The following FZD3 variants were observed in gnomAD, a reference collection of about 807,000 sequenced individuals.
The protein encoded by FZD3 is frizzled-3.
In FZD3, 30 loss-of-function variants were observed where a neutral mutation model predicts 60.7. The ratio of observed to expected loss-of-function variants is 0.49; its 90% confidence interval spans 0.37 to 0.67. FZD3 has a LOEUF of 0.67. Among genes scored for constraint, FZD3 ranks in the 30% least tolerant of loss-of-function variants. The pLI is 0.00. For synonymous variants in FZD3, 246 were observed against 275.2 expected (o/e 0.89, Z 1.05); for missense variants, 605 against 838.7 (o/e 0.72, Z 3.44).
At chr8:28,513,603 T>A (rs908371223) in intron 3 of FZD3, among the ~76,000 whole-genome samples, 2 of 152,220 alleles carry the variant, frequency 1.3e-5, no homozygotes, top group African/African-American at 4.8e-5. Context: ...ATTAGGCATT[T>A]TATTGTTACA....
chr8:28,529,817 G>A (rs1469617166), intron 5 of FZD3, among the ~76,000 whole-genome samples: 1 of 152,064 alleles, frequency 6.6e-6, no homozygotes, highest in East Asian at 1.9e-4. Context: ...CTTATTATGA[G>A]TTTTCAGACC....
intron 5 of FZD3, among the ~76,000 whole-genome samples, chr8:28,535,403 A>G (rs1032812333): frequency 6.6e-6 from 1 of 152,212 alleles, no homozygotes; most frequent in African/African-American, 2.4e-5. Flanking sequence ...ATACATTATT[A>G]TTAACTAAAG....
intron 5 of FZD3, among the ~76,000 whole-genome samples, chr8:28,548,294 T>C (rs1219484069): frequency 6.6e-6 from 1 of 151,688 alleles, no homozygotes; most frequent in African/African-American, 2.4e-5. Context: ...TTTGAATTTT[T>C]GTTTTTTTGT....
chr8:28,572,393 A>G lies in FZD3; in HGVS notation c.*9382A>G, dbSNP rs1805823947. On this transcript the variant is annotated 3_prime_UTR_variant, in exon 8 of 8. Coordinates refer to ENST00000240093, the MANE Select transcript of FZD3 (RefSeq NM_017412.4). Reference sequence around the variant, plus strand: ...GCTTTATGAAGGAGACTCTACAGATAACCACAAATCTTATCAAGAAAATTC... The same window carrying G: ...GCTTTATGAAGGAGACTCTACAGATGACCACAAATCTTATCAAGAAAATTC... The G allele has an allele frequency of 6.6e-6, 1 of 152,218 alleles. No homozygotes were observed. Among genetic ancestry groups the G allele is most frequent in the Admixed American group, 6.5e-5 (1 of 15,284 alleles). 9.4% of individuals were successfully genotyped at this position (152,218 alleles called of 1,614,324 possible).
At chr8:28,498,658 AC>A in intron 1 of FZD3, among the ~76,000 whole-genome samples, 1 of 152,104 alleles carries the variant, frequency 6.6e-6, no homozygotes, top group South Asian at 2.1e-4. Flanking sequence ...ACTCACCGCA[AC>A]CTCCACCTCT....
chr8:28,504,197 T>C (rs1804076256), intron 3 of FZD3, among the ~76,000 whole-genome samples: 2 of 152,228 alleles, frequency 1.3e-5, no homozygotes, highest in Admixed American at 1.3e-4. Flanking sequence ...TCATAGATTT[T>C]GAAATAAGGA....
At chr8:28,500,655 CAAAT>C (rs1162765087) in intron 2 of FZD3, among the ~76,000 whole-genome samples, 1 of 152,272 alleles carries the variant, frequency 6.6e-6, no homozygotes, top group East Asian at 1.9e-4. Context: ...ATACTACAAT[CAAAT>C]AAAACTTTCA....
In FZD3 at chr8:28,544,979, T is replaced by C. The variant is rs927818547; in HGVS notation, c.1405-6624T>C. Among the ~76,000 whole-genome samples the C allele has an allele frequency of 9.9e-5, 15 of 152,252 alleles. No homozygotes were observed. In the East Asian group the frequency reaches 2.3e-3, roughly 24 times the overall value. ...GAGAGGGCTCAGTGTACTAGTTCAG[T>C]CCCTCTTCCTCCTTTTATAATGCCA... On this transcript the variant is annotated intron_variant, in intron 5 of 7. Coordinates refer to ENST00000240093, the MANE Select transcript of FZD3 (RefSeq NM_017412.4).
At chr8:28,497,588 A>G (rs13262141) in intron 1 of FZD3, among the ~76,000 whole-genome samples, 85,132 of 152,092 alleles carry the variant, frequency 0.56, 24,274 homozygotes, top group East Asian at 0.67. Flanking sequence ...TTTACTTTGA[A>G]ACAACCTTTA....
chr8:28,531,851 C>T (rs939296332), intron 5 of FZD3, among the ~76,000 whole-genome samples: 5 of 152,018 alleles, frequency 3.3e-5, no homozygotes, highest in African/African-American at 1.2e-4. Context: ...ATATTTTCTG[C>T]TTTGTGGCTT....
intron 4 of FZD3, among the ~76,000 whole-genome samples, chr8:28,521,775 T>A (rs1804587139): frequency 6.6e-6 from 1 of 152,260 alleles, no homozygotes; most frequent in South Asian, 2.1e-4. Context: ...ACATTCCTTT[T>A]AATTGCCGTG....
chr8:28,560,061 G>A (rs1262798088), intron 7 of FZD3, among the ~76,000 whole-genome samples: 2 of 152,184 alleles, frequency 1.3e-5, no homozygotes, highest in Non-Finnish European at 2.9e-5. Flanking sequence ...GATTAGGTTG[G>A]TAAGTGGGTG....
intron 4 of FZD3, among the ~76,000 whole-genome samples, chr8:28,522,883 C>T (rs796352585): frequency 1.3e-5 from 2 of 151,092 alleles, no homozygotes; most frequent in South Asian, 2.1e-4. Context: ...AATTCTCCTA[C>T]CTCAGTCTCC....
intron 1 of FZD3, among the ~76,000 whole-genome samples, chr8:28,497,613 A>G (rs571529058): frequency 6.6e-6 from 1 of 152,354 alleles, no homozygotes; most frequent in African/African-American, 2.4e-5. Context: ...ATCTTTCTCA[A>G]TTGGAAATGC....
At chr8:28,509,134 GTTTTA>G (rs1020764142) in intron 3 of FZD3, among the ~76,000 whole-genome samples, 3 of 151,818 alleles carry the variant, frequency 2.0e-5, no homozygotes, top group African/African-American at 7.2e-5. Context: ...AGGTTCATAT[GTTTTA>G]TTTTGATTTT....
rs569976597 is a variant in FZD3, at chr8:28,523,789, A to C, written c.386+2955A>C. ...TGAATATTCAGGTCCCCCAAAGTTC[A>C]TGTATTGGAAACTTAATTCTCAGTG... On this transcript the variant is annotated intron_variant, in intron 4 of 7. Transcript: ENST00000240093. 1.4e-4 allele frequency among the ~76,000 whole-genome samples: 22 copies of C among 152,198 alleles called. 1 individual carries two copies. The South Asian group carries it at 4.6e-3, about 32-fold the overall frequency.
chr8:28,519,406 A>C (rs1464326895), intron 3 of FZD3, among the ~76,000 whole-genome samples: 1 of 152,116 alleles, frequency 6.6e-6, no homozygotes, highest in Non-Finnish European at 1.5e-5. Context: ...GTTTGTTTAC[A>C]TCATGTGATT....
rs35662589 is a variant in FZD3, at chr8:28,522,767, C to CT, written c.386+1954dup. Among the ~76,000 whole-genome samples, 836 of 96,842 alleles carry CT rather than the reference C, an allele frequency of 8.6e-3. 19 individuals carry two copies. The highest frequency in any genetic ancestry group is 0.017 in the African/African-American group (423 of 25,042). The allele number at this position is 96,842 out of a possible 152,430, so 63.5% of individuals were successfully genotyped here. A position where few individuals can be genotyped will look rare whatever the true frequency, so the allele number is the denominator to read the frequency against. ...CTTAAATTCTGAAAAAGGGAACTTT[C>CT]TTTTTTTTTTTTTTTTTTTTTGAGA... On this transcript the variant is annotated intron_variant, in intron 4 of 7. Coordinates refer to ENST00000240093, the MANE Select transcript of FZD3 (RefSeq NM_017412.4).
intron 5 of FZD3, among the ~76,000 whole-genome samples, chr8:28,543,179 T>C (rs1187442611): frequency 1.3e-5 from 2 of 152,244 alleles, no homozygotes; most frequent in Non-Finnish European, 2.9e-5. Flanking sequence ...TTTATCTTTT[T>C]TCATTACAAT....
Sources: allele counts gnomAD v4.1 joint callset (sites outside exome capture counted in the v4.1 genomes callset), GRCh38; gene constraint gnomAD v4.1.1; transcripts MANE v1.5; gene names NCBI Gene and HGNC (gene_info 2026-07-23, HGNC 2026-07-21).